TRIM49C: variants seen among roughly 807,000 people sequenced by gnomAD.
TRIM49C encodes tripartite motif-containing protein 49C.
Under a neutral mutation model 21.4 loss-of-function variants are expected in TRIM49C, and 6 were observed. The observed-to-expected ratio is 0.28, with a 90% confidence interval of 0.15 to 0.55. The LOEUF (loss-of-function observed/expected upper bound fraction) is 0.55. TRIM49C is among the 20% of genes least tolerant of loss of function. The probability of loss-of-function intolerance (pLI) is 0.94; values close to 1 mark genes in which losing one functional copy is unlikely to be tolerated. For missense variants in TRIM49C, 161 were observed against 442.4 expected, an observed-to-expected ratio of 0.36 and a Z score of 5.71; for synonymous variants, 57 against 148.1, an observed-to-expected ratio of 0.38 and a Z score of 4.47.
chr11:90,056,143 G>C, the TRIM49C span, among the ~76,000 whole-genome samples: 10 of 135,496 alleles, frequency 7.4e-5, 3 homozygotes, highest in Non-Finnish European at 1.6e-5. Flanking sequence ...TGTATTTTTA[G>C]TAGAGACGGG....
chr11:90,059,875 C>T, the TRIM49C span, among the ~76,000 whole-genome samples: 1 of 146,682 alleles, frequency 6.8e-6, no homozygotes, highest in Non-Finnish European at 1.5e-5. Flanking sequence ...CCTCCTCAGC[C>T]CTTCCTTAGG....
chr11:90,046,976 C>A (rs1403586711), downstream of TRIM49C, among the ~76,000 whole-genome samples: 1 of 124,286 alleles, frequency 8.0e-6, no homozygotes, highest in African/African-American at 3.3e-5. Context: ...TGTCTTTGTT[C>A]TCGTTGGTTT....
In TRIM49C at chr11:90,033,922, C is replaced by A. The variant is rs1419104346; in HGVS notation, c.-4-1286C>A. Among the ~76,000 whole-genome samples the A allele has an allele frequency of 3.4e-5, 4 of 118,722 alleles. 2 individuals are homozygous for A. The highest frequency in any genetic ancestry group is 6.7e-5 in the Non-Finnish European group (4 of 59,348). 77.9% of individuals were successfully genotyped at this position (118,722 alleles called of 152,430 possible). A position where few individuals can be genotyped will look rare whatever the true frequency, so the allele number is the denominator to read the frequency against. ...GATCACGCCACTGCATTTCAGCCTG[C>A]GTGACAGAAGGATACTCTGTCTCAA... On this transcript the variant is annotated intron_variant, in intron 2 of 7. Transcript: ENST00000448984.
chr11:90,064,339 A>C, the TRIM49C span, among the ~76,000 whole-genome samples: 4 of 151,524 alleles, frequency 2.6e-5, no homozygotes, highest in African/African-American at 4.9e-5. Context: ...CCAATATTTC[A>C]ACTATAATAA....
At chr11:90,070,249 A>T in the TRIM49C span, among the ~76,000 whole-genome samples, 4 of 103,718 alleles carry the variant, frequency 3.9e-5, 1 homozygote, top group African/African-American at 1.2e-4. Flanking sequence ...TGGATCCAAG[A>T]GGAGTCAGAC....
At chr11:90,056,250 G>A in the TRIM49C span, among the ~76,000 whole-genome samples, 2 of 137,874 alleles carry the variant, frequency 1.5e-5, no homozygotes, top group Admixed American at 8.0e-5. Flanking sequence ...GTGAGCCACC[G>A]CGCCCAGCCC....
At chr11:90,047,444 G>A in the TRIM49C span, among the ~76,000 whole-genome samples, 1 of 106,110 alleles carries the variant, frequency 9.4e-6, no homozygotes, top group Non-Finnish European at 1.8e-5. Context: ...TTATGAATCT[G>A]AGTGCTCCTG....
chr11:90,031,844 T>C (rs1341200328), intron 1 of TRIM49C, among the ~76,000 whole-genome samples: 1 of 142,614 alleles, frequency 7.0e-6, no homozygotes, highest in Non-Finnish European at 1.5e-5. Flanking sequence ...AAGCAGCATT[T>C]AAGCTGGATG....
chr11:90,054,531 T>C, the TRIM49C span, among the ~76,000 whole-genome samples: 2 of 136,706 alleles, frequency 1.5e-5, 1 homozygote, highest in African/African-American at 5.2e-5. Flanking sequence ...TTGGTTCAAG[T>C]GATTATCCTG....
chr11:90,071,044 C>T, the TRIM49C span: 1 of 464,162 alleles, frequency 2.2e-6, no homozygotes. Flanking sequence ...GATCCACCCA[C>T]CTTGGCCTCC....
At chr11:90,045,949 G>A (rs1220080950), downstream of TRIM49C, among the ~76,000 whole-genome samples, 2 of 120,246 alleles carry the variant, frequency 1.7e-5, no homozygotes, top group Non-Finnish European at 3.4e-5. Flanking sequence ...TTTGAGATAC[G>A]TCCCATCAAT....
Position 90,041,346 on chromosome 11 carries a change from T to C in TRIM49C, c.1155T>C (p.Asn385=). 6.3e-7 allele frequency: 1 copy of C among 1,589,980 alleles called. No homozygotes were observed. Among genetic ancestry groups the C allele is most frequent in the Non-Finnish European group, 8.6e-7 (1 of 1,164,994 alleles). Residue 385 remains asparagine (N), a synonymous_variant, in exon 8 of 8, where the codon AAT becomes AAC. Coordinates refer to ENST00000448984, the MANE Select transcript of TRIM49C (RefSeq NM_001195234.1). ...TCTTTCTTCTTGGGTGTATTAAGAA[T>C]GACATTCAATGCAGTCTCTTTACCA... ...EGLFLLGCIK[N]DIQCSLFTTS...
chr11:90,047,371 TAA>T, the TRIM49C span, among the ~76,000 whole-genome samples: 1 of 87,992 alleles, frequency 1.1e-5, no homozygotes, highest in Non-Finnish European at 2.1e-5. Context: ...AGTGGGTTGT[TAA>T]AGTCTCCCAT....
In TRIM49C at chr11:90,041,275, CG is replaced by C. The variant is rs1351615514; in HGVS notation, c.1086del (p.Lys363ArgfsTer9). On this transcript the variant is annotated frameshift_variant, in exon 8 of 8. Transcript: ENST00000448984. LOFTEE classifies it low-confidence loss of function (END_TRUNC). ...GGCTTTTGGTGTCTGTAATATGTAT[CG>C]GAAGGAGAAGAATCAGAATGAGAAG... ...NWAFGVCNMY[R>X]KEKNQNEKID... The C allele has an allele frequency of 2.5e-6, 4 of 1,583,810 alleles. No individual in the cohort carries two copies. In the Admixed American group the frequency reaches 6.8e-5, roughly 27 times the overall value.
chr11:90,033,985 T>G lies in TRIM49C; in HGVS notation c.-4-1223T>G, dbSNP rs595078. On this transcript the variant is annotated intron_variant, in intron 2 of 7. Transcript: ENST00000448984. ...AAAAAAAAACTAAAAACACCTGACATATTTCTCAGAACATACATCTGTCCA... is the reference window on the plus strand; with the variant it reads ...AAAAAAAAACTAAAAACACCTGACAGATTTCTCAGAACATACATCTGTCCA... Among the ~76,000 whole-genome samples, 3 of 128,970 alleles carry G rather than the reference T, an allele frequency of 2.3e-5. 1 individual carries two copies. The highest frequency in any genetic ancestry group is 5.4e-4 in the South Asian group (2 of 3,696). 84.6% of individuals were successfully genotyped at this position (128,970 alleles called of 152,430 possible).
Position 90,037,286 on chromosome 11 carries a change from G to T in TRIM49C, c.508-463G>T, listed in dbSNP as rs1250093861. Reference sequence around the variant, plus strand: ...AGACAAAGATGGCCAAATCATAAATGCAGCCTTATTAGGATAGGTTTTGCT... The same window carrying T: ...AGACAAAGATGGCCAAATCATAAATTCAGCCTTATTAGGATAGGTTTTGCT... On this transcript the variant is annotated intron_variant, in intron 4 of 7. Transcript: ENST00000448984. 2.3e-5 allele frequency among the ~76,000 whole-genome samples: 3 copies of T among 132,946 alleles called. 1 individual carries two copies. Among genetic ancestry groups the T allele is most frequent in the Non-Finnish European group, 4.9e-5 (3 of 61,552 alleles). 87.2% of individuals were successfully genotyped at this position (132,946 alleles called of 152,430 possible). A position where few individuals can be genotyped will look rare whatever the true frequency, so the allele number is the denominator to read the frequency against.
the TRIM49C span, among the ~76,000 whole-genome samples, chr11:90,067,375 T>G: frequency 1.8e-3 from 260 of 144,218 alleles, 15 homozygotes; most frequent in African/African-American, 6.3e-3. Context: ...ATCAAAATAT[T>G]CAGCTAAAAA....
At chr11:90,052,161 T>C in the TRIM49C span, 1 of 382,772 alleles carries the variant, frequency 2.6e-6, no homozygotes, top group South Asian at 3.5e-5. Context: ...GCGGGGCAGG[T>C]GGGAGGCCGG....
the TRIM49C span, among the ~76,000 whole-genome samples, chr11:90,052,999 C>T: frequency 7.1e-6 from 1 of 140,666 alleles, no homozygotes; most frequent in African/African-American, 2.5e-5. Context: ...AGAAGGGTTC[C>T]TGGCCATTAT....
Sources: gnomAD v4.1 joint callset for allele counts (sites outside exome capture counted in the v4.1 genomes callset) on GRCh38, gnomAD v4.1.1 for gene constraint, MANE v1.5 for transcripts, NCBI Gene and HGNC (gene_info 2026-07-23, HGNC 2026-07-21) for gene names.